Variants in AP3S2 observed in about 807,000 individuals in gnomAD.
AP3S2 encodes the protein AP-3 complex subunit sigma-2.
A neutral mutation model predicts 23.4 loss-of-function variants in AP3S2; 22 were observed. That is an observed-to-expected ratio of 0.94 (90% CI 0.67 to 1.34). The LOEUF is 1.34. Among genes scored for constraint, AP3S2 ranks in the 40% most tolerant of loss-of-function variants. AP3S2 has a pLI of 0.00. For synonymous variants in AP3S2, 86 were observed against 87.1 expected (o/e 0.99, Z 0.07); for missense variants, 241 against 236.9 (o/e 1.02, Z -0.11).
intron 4 of AP3S2, among the ~76,000 whole-genome samples, chr15:89,866,679 T>C (rs1377808337): frequency 6.6e-6 from 1 of 151,918 alleles, no homozygotes; most frequent in East Asian, 1.9e-4. Flanking sequence ...GAGACGGGGT[T>C]TCTCCATGTT....
intron 3 of AP3S2, among the ~76,000 whole-genome samples, chr15:89,883,191 T>C (rs1896612326): frequency 6.6e-6 from 1 of 152,194 alleles, no homozygotes; most frequent in South Asian, 2.1e-4. Flanking sequence ...GGAAATTTAA[T>C]TTTGTTGGCT....
At position 89,834,276 on chromosome 15, in the gene AP3S2, CA is replaced by C. The variant is rs1244518372; in HGVS notation, c.*1238del. ...CAGTGGGTTCCCTATGGAGGCAGCTCATCATTCACAACACAGCAACAAACCT... is the reference window on the plus strand; with the variant it reads ...CAGTGGGTTCCCTATGGAGGCAGCTCTCATTCACAACACAGCAACAAACCT... On this transcript the variant is annotated 3_prime_UTR_variant, in exon 6 of 6. Coordinates refer to ENST00000336418, the MANE Select transcript of AP3S2 (RefSeq NM_005829.5). 6.6e-6 allele frequency: 1 copy of C among 152,282 alleles called. No individual in the cohort carries two copies. The highest frequency in any genetic ancestry group is 1.5e-5 in the Non-Finnish European group (1 of 68,076). 9.4% of individuals were successfully genotyped at this position (152,282 alleles called of 1,614,324 possible).
At chr15:89,845,336 A>T (rs939113792) in intron 4 of AP3S2, 1 of 152,222 alleles carries the variant, frequency 6.6e-6, no homozygotes, top group African/African-American at 2.4e-5. Context: ...AAGCAAAATG[A>T]CTCAAGTGTA....
chr15:89,867,818 G>T (rs1321652751), intron 4 of AP3S2, among the ~76,000 whole-genome samples: 3 of 125,622 alleles, frequency 2.4e-5, no homozygotes, highest in Admixed American at 7.9e-5. Flanking sequence ...CCGCCCGGCA[G>T]CTGCCCCGTC....
At chr15:89,843,393 T>C (rs1260328310) in intron 4 of AP3S2, among the ~76,000 whole-genome samples, 1 of 151,892 alleles carries the variant, frequency 6.6e-6, no homozygotes, top group Non-Finnish European at 1.5e-5. Context: ...ATCCCAGCAC[T>C]TTGGGAGGCC....
intron 4 of AP3S2, among the ~76,000 whole-genome samples, chr15:89,850,084 G>A (rs1049505817): frequency 2.6e-5 from 4 of 152,130 alleles, no homozygotes; most frequent in African/African-American, 9.7e-5. Flanking sequence ...GAACTCTCAG[G>A]CACATAGAGC....
At position 89,835,547 on chromosome 15, in the gene AP3S2, T is replaced by C. The variant is rs776270778; in HGVS notation, c.550A>G (p.Ile184Val). 2 of 1,613,660 alleles carry C rather than the reference T, an allele frequency of 1.2e-6. No homozygotes were observed. Among genetic ancestry groups the C allele is most frequent in the Non-Finnish European group, 1.7e-6 (2 of 1,179,950 alleles). The change falls in exon 6 of 6, where the codon ATC becomes GTC. Residue 184 changes from isoleucine to valine, a missense_variant. By Grantham distance (29) the Ile-to-Val change is conservative (BLOSUM62 3). Coordinates refer to ENST00000336418, the MANE Select transcript of AP3S2 (RefSeq NM_005829.5). ...AACTGGGACAGGTTGGGAACTTTGA[T>C]GTTGAGATCGCCAATGTTGATGTTC... ...PRNINIGDLN[I>V]KVPNLSQFV
intron 4 of AP3S2, among the ~76,000 whole-genome samples, chr15:89,844,008 T>A (rs369150973): frequency 2.0e-5 from 3 of 149,834 alleles, no homozygotes; most frequent in Admixed American, 1.3e-4. Flanking sequence ...GGAGGTAGAA[T>A]ACGAACACTG....
At chr15:89,879,763 G>A (rs1349972929) in intron 3 of AP3S2, among the ~76,000 whole-genome samples, 2 of 151,758 alleles carry the variant, frequency 1.3e-5, no homozygotes, top group African/African-American at 4.8e-5. Context: ...CTGTCACCAC[G>A]CCTGGCTAAT....
chr15:89,844,261 TTCTTTCTTTCTCTC>T lies in AP3S2; in HGVS notation c.346-6553_346-6540del, dbSNP rs1360080940. 2.2e-3 allele frequency among the ~76,000 whole-genome samples: 67 copies of T among 30,780 alleles called. 1 individual carries two copies. Among genetic ancestry groups the T allele is most frequent in the Non-Finnish European group, 9.4e-4 (12 of 12,810 alleles). 20.2% of individuals were successfully genotyped at this position (30,780 alleles called of 152,430 possible). ...TTTCTTTCTTTCTTTCTTTCTTTCT[TTCTTTCTTTCTCTC>T]TCTCTCTCTTTCTTTCTTTACTTTT... On this transcript the variant is annotated intron_variant, in intron 4 of 5. Transcript: ENST00000336418.
At chr15:89,864,981 T>C (rs1461186455) in intron 4 of AP3S2, among the ~76,000 whole-genome samples, 1 of 152,090 alleles carries the variant, frequency 6.6e-6, no homozygotes, top group Admixed American at 6.5e-5. Flanking sequence ...GAAATGCAAT[T>C]GGAATGACAA....
intron 4 of AP3S2, among the ~76,000 whole-genome samples, chr15:89,838,982 T>C (rs1394404175): frequency 1.3e-5 from 2 of 152,172 alleles, no homozygotes; most frequent in Non-Finnish European, 2.9e-5. Context: ...TAGGTACTAG[T>C]GACATCTGGG....
chr15:89,893,819 A>C (rs1896875148), intron 1 of AP3S2, 62 bp downstream of exon 1: 1 of 1,531,310 alleles, frequency 6.5e-7, no homozygotes, highest in African/African-American at 1.4e-5. Flanking sequence ...CCGAGAGGCC[A>C]AAGAGGAGGG....
At position 89,885,004 on chromosome 15, in the gene AP3S2, G is replaced by A. The variant is rs983357249; in HGVS notation, c.273+3517C>T. On this transcript the variant is annotated intron_variant, in intron 3 of 5. Transcript: ENST00000336418. ...ATAACCAATTTATTCCATAAAATGC[G>A]CTTAGGTAGTAGGATTCCTTGTTCT... 2.0e-5 allele frequency among the ~76,000 whole-genome samples: 3 copies of A among 152,058 alleles called. No homozygotes were observed. The South Asian group carries it at 6.2e-4, about 32-fold the overall frequency.
intron 4 of AP3S2, among the ~76,000 whole-genome samples, chr15:89,868,503 T>C (rs1596208517): frequency 1.1e-5 from 1 of 91,406 alleles, no homozygotes; most frequent in Non-Finnish European, 2.2e-5. Context: ...AGCCGCCCGG[T>C]CCGGGAGGGA....
At chr15:89,873,667 C>A (rs911160737) in intron 3 of AP3S2, among the ~76,000 whole-genome samples, 2 of 152,048 alleles carry the variant, frequency 1.3e-5, no homozygotes, top group Non-Finnish European at 2.9e-5. Flanking sequence ...TTTTCTAATA[C>A]TTCAGTTGAA....
intron 4 of AP3S2, among the ~76,000 whole-genome samples, chr15:89,853,158 G>A (rs1305459375): frequency 1.3e-5 from 2 of 152,176 alleles, no homozygotes; most frequent in Non-Finnish European, 2.9e-5. Context: ...GCAGCTGGGG[G>A]TATACATCAG....
intron 3 of AP3S2, chr15:89,877,421 T>G (rs745615840): frequency 5.4e-5 from 69 of 1,286,736 alleles, no homozygotes; most frequent in Non-Finnish European, 6.9e-5. Context: ...TCTCTTTTTT[T>G]AAGCTGTGGT....
At chr15:89,846,444 A>C (rs1454893247) in intron 4 of AP3S2, among the ~76,000 whole-genome samples, 1 of 147,498 alleles carries the variant, frequency 6.8e-6, no homozygotes, top group Non-Finnish European at 1.5e-5. Flanking sequence ...TGCAACCTCC[A>C]CCTCCCAGAT....
Sources: allele counts gnomAD v4.1 joint callset (sites outside exome capture counted in the v4.1 genomes callset), GRCh38; gene constraint gnomAD v4.1.1; transcripts MANE v1.5; gene names NCBI Gene and HGNC (gene_info 2026-07-23, HGNC 2026-07-21).